The following VRK2 variants were observed in gnomAD, a reference collection of about 807,000 sequenced individuals.
The protein encoded by VRK2 is VRK serine/threonine kinase 2.
Under a neutral mutation model 57.6 loss-of-function variants are expected in VRK2, and 60 were observed. That is an observed-to-expected ratio of 1.04 (90% CI 0.85 to 1.29). The LOEUF (loss-of-function observed/expected upper bound fraction) is 1.29, where lower values mean the gene tolerates loss of function less well. Among genes scored for constraint, VRK2 ranks in the 50% most tolerant of loss-of-function variants. VRK2 has a pLI of 0.00. For missense variants in VRK2, 705 were observed against 588.1 expected (o/e 1.20, Z -2.06); for synonymous variants, 231 against 199.2 (o/e 1.16, Z -1.35).
chr2:58,054,463 C>G (rs1676218639), intron 2 of VRK2, among the ~76,000 whole-genome samples: 2 of 151,754 alleles, frequency 1.3e-5, no homozygotes, highest in African/African-American at 2.4e-5. Flanking sequence ...ACCTCTATTG[C>G]CACACAATAA....
chr2:57,981,037 T>C (rs1257458255), intron 1 of VRK2, among the ~76,000 whole-genome samples: 1 of 152,180 alleles, frequency 6.6e-6, no homozygotes, highest in African/African-American at 2.4e-5. Flanking sequence ...CATTCAAAGT[T>C]AATATTGACA....
At chr2:58,124,307 G>A (rs1439692567) in intron 8 of VRK2, among the ~76,000 whole-genome samples, 1 of 152,158 alleles carries the variant, frequency 6.6e-6, no homozygotes, top group African/African-American at 2.4e-5. Flanking sequence ...ACTGATGGTT[G>A]CTTTGTTCAC....
upstream of VRK2, among the ~76,000 whole-genome samples, chr2:58,045,811 G>C (rs2103739351): frequency 6.6e-6 from 1 of 152,198 alleles, no homozygotes; most frequent in Non-Finnish European, 1.5e-5. Context: ...GCATTTGTTT[G>C]GTTTAGTCTA....
chr2:57,923,022 T>C (rs1239037043), intron 1 of VRK2, among the ~76,000 whole-genome samples: 3 of 152,082 alleles, frequency 2.0e-5, no homozygotes, highest in African/African-American at 4.8e-5. Context: ...GTCCTCCAGT[T>C]CCATCCATGT....
At chr2:57,990,203 T>C (rs372747756) in intron 1 of VRK2, among the ~76,000 whole-genome samples, 5 of 152,244 alleles carry the variant, frequency 3.3e-5, no homozygotes, top group African/African-American at 1.2e-4. Context: ...GAACAATTTC[T>C]GAAAAGGGGG....
chr2:57,982,081 C>T lies in VRK2; in HGVS notation c.-438-43584C>T, dbSNP rs369706458. Among the ~76,000 whole-genome samples, 48 of 152,264 alleles carry T rather than the reference C, an allele frequency of 3.2e-4. 3 individuals are homozygous for T. In the East Asian group the frequency reaches 3.5e-3, roughly 11 times the overall value. On this transcript the variant is annotated intron_variant, in intron 1 of 15. Transcript: ENST00000417641. ...CTTTTTGCTTTTATGTTCTTTGATG[C>T]CCTTGAGGGTTTGACTGTGGTATAA...
intron 12 of VRK2, among the ~76,000 whole-genome samples, chr2:58,151,235 C>T (rs1682976187): frequency 1.3e-5 from 2 of 151,626 alleles, no homozygotes; most frequent in African/African-American, 4.8e-5. Flanking sequence ...TGCTTCTATA[C>T]ATTTTTGCTT....
intron 1 of VRK2, among the ~76,000 whole-genome samples, chr2:57,927,996 A>C (rs1490826880): frequency 2.0e-5 from 3 of 152,038 alleles, no homozygotes; most frequent in Non-Finnish European, 2.9e-5. Flanking sequence ...TGAGAGTTTA[A>C]TTATTAAATG....
intron 7 of VRK2, among the ~76,000 whole-genome samples, chr2:58,107,221 T>C (rs1357343752): frequency 6.6e-6 from 1 of 152,170 alleles, no homozygotes; most frequent in African/African-American, 2.4e-5. Context: ...CTTTTTGTTT[T>C]AAAGAAAAGC....
At chr2:58,113,686 G>A (rs58799338) in intron 7 of VRK2, among the ~76,000 whole-genome samples, 7,099 of 152,146 alleles carry the variant, frequency 0.047, 534 homozygotes, top group African/African-American at 0.16. Flanking sequence ...AAATTCACAC[G>A]GTTAATCACT....
chr2:58,124,621 C>G (rs1273004975), intron 8 of VRK2, among the ~76,000 whole-genome samples: 1 of 152,160 alleles, frequency 6.6e-6, no homozygotes, highest in Non-Finnish European at 1.5e-5. Flanking sequence ...GTGAAGACAA[C>G]TGTATATTAT....
chr2:58,150,287 A>G (rs1349440123), intron 12 of VRK2, among the ~76,000 whole-genome samples: 1 of 151,370 alleles, frequency 6.6e-6, no homozygotes, highest in East Asian at 1.9e-4. Flanking sequence ...TACTTTCTAT[A>G]ATATATAGAG....
chr2:58,009,920 G>A (rs1364431559), intron 1 of VRK2, among the ~76,000 whole-genome samples: 3 of 151,934 alleles, frequency 2.0e-5, no homozygotes, highest in African/African-American at 7.3e-5. Context: ...TAAATTGACA[G>A]GGTGAGTGTA....
chr2:57,989,572 T>A (rs1672701257), intron 1 of VRK2, among the ~76,000 whole-genome samples: 1 of 152,216 alleles, frequency 6.6e-6, no homozygotes, highest in African/African-American at 2.4e-5. Context: ...ATATTATTTT[T>A]AATACATTAG....
chr2:58,050,417 A>C (rs2103789926), intron 2 of VRK2, among the ~76,000 whole-genome samples: 1 of 152,340 alleles, frequency 6.6e-6, no homozygotes, highest in South Asian at 2.1e-4. Flanking sequence ...GAACTTAGTG[A>C]ATTCTCTTTT....
rs571825779 is a variant in VRK2 at position 58,130,710 on chromosome 2, T to C, written c.677-1098T>C. Among the ~76,000 whole-genome samples the C allele has an allele frequency of 1.1e-3, 166 of 152,306 alleles. 1 individual carries two copies. The highest frequency in any genetic ancestry group is 3.8e-3 in the African/African-American group (159 of 41,572). On this transcript the variant is annotated intron_variant, in intron 8 of 12. Transcript: ENST00000340157. ...GAAAGATAATAAAATAGGATACCTG[T>C]TTATAGCAGGTTTAACAGCCACTTA...
chr2:58,148,285 T>G (rs1682469087), intron 12 of VRK2, among the ~76,000 whole-genome samples: 1 of 151,864 alleles, frequency 6.6e-6, no homozygotes, highest in South Asian at 2.1e-4. Context: ...TAATTAAGTT[T>G]GAGCACTTTC....
chr2:58,093,995 G>C (rs1006584832), intron 7 of VRK2, among the ~76,000 whole-genome samples: 1 of 152,144 alleles, frequency 6.6e-6, no homozygotes, highest in African/African-American at 2.4e-5. Context: ...TATTATTTCT[G>C]AGGGCTCTGT....
In VRK2 at chr2:58,056,470, C is replaced by G. The variant is rs1438063375; in HGVS notation, c.136+7503C>G. Reference sequence around the variant, plus strand: ...TCTTGTCACTTGCTCTGATATTAAACCAGAGAAAGTGACATTAATTAAAGA... The same window carrying G: ...TCTTGTCACTTGCTCTGATATTAAAGCAGAGAAAGTGACATTAATTAAAGA... On this transcript the variant is annotated intron_variant, in intron 2 of 12. Transcript: ENST00000340157. Among the ~76,000 whole-genome samples the G allele has an allele frequency of 4.6e-5, 7 of 152,222 alleles. No individual in the cohort carries two copies. The East Asian group carries it at 1.4e-3, about 29-fold the overall frequency.
Sources: gnomAD v4.1 joint callset for allele counts (sites outside exome capture counted in the v4.1 genomes callset) on GRCh38, gnomAD v4.1.1 for gene constraint, MANE v1.5 for transcripts, NCBI Gene and HGNC (gene_info 2026-07-23, HGNC 2026-07-21) for gene names.